Variants in GABBR2 observed in about 807,000 individuals in gnomAD.
The protein encoded by GABBR2 is G-protein coupled receptor 51.
GABBR2 carries 23 observed loss-of-function variants against 105.6 expected under a neutral mutation model. That is an observed-to-expected ratio of 0.22 (90% CI 0.16 to 0.31). The LOEUF is 0.31. GABBR2 is among the 10% of genes least tolerant of loss of function. The pLI, the probability that GABBR2 is intolerant of heterozygous loss-of-function variation, is 1.00. For synonymous variants in GABBR2, 478 were observed against 499.7 expected, an observed-to-expected ratio of 0.96 and a Z score of 0.58; for missense variants, 734 against 1,245.5, an observed-to-expected ratio of 0.59 and a Z score of 6.18.
intron 7 of GABBR2, among the ~76,000 whole-genome samples, chr9:98,437,317 C>G (rs1825943566): frequency 6.6e-6 from 1 of 152,094 alleles, no homozygotes; most frequent in Non-Finnish European, 1.5e-5. Context: ...CACCCACAAA[C>G]TCATCCACCC....
intron 13 of GABBR2, among the ~76,000 whole-genome samples, chr9:98,317,646 A>T (rs149519755): frequency 6.6e-6 from 1 of 152,190 alleles, no homozygotes; most frequent in African/African-American, 2.4e-5. Context: ...CCTACATTTC[A>T]TGACTGTATT....
chr9:98,381,372 G>A (rs1040034965), intron 11 of GABBR2, among the ~76,000 whole-genome samples: 1 of 152,186 alleles, frequency 6.6e-6, no homozygotes, highest in African/African-American at 2.4e-5. Flanking sequence ...CTCCCCACTC[G>A]GTGGGAGTTT....
intron 12 of GABBR2, among the ~76,000 whole-genome samples, chr9:98,367,458 G>A (rs908285535): frequency 2.0e-5 from 3 of 152,088 alleles, no homozygotes; most frequent in African/African-American, 7.2e-5. Flanking sequence ...TGGTGGGCAT[G>A]GCTGTGGGGA....
intron 1 of GABBR2, among the ~76,000 whole-genome samples, chr9:98,605,828 G>A (rs1003217508): frequency 3.3e-5 from 5 of 152,000 alleles, no homozygotes; most frequent in Non-Finnish European, 7.4e-5. Flanking sequence ...TGCACAACGT[G>A]GTCTGTTACA....
intron 1 of GABBR2, among the ~76,000 whole-genome samples, chr9:98,701,310 T>G (rs556893302): frequency 6.6e-6 from 1 of 152,156 alleles, no homozygotes; most frequent in Non-Finnish European, 1.5e-5. Context: ...AAAAAGGAAT[T>G]TGGGGACAGA....
intron 9 of GABBR2, among the ~76,000 whole-genome samples, chr9:98,390,025 C>G (rs1430242175): frequency 1.3e-5 from 2 of 151,798 alleles, no homozygotes; most frequent in African/African-American, 4.8e-5. Flanking sequence ...AGTGAGAACT[C>G]CCCTGAACAT....
At chr9:98,394,005 C>A (rs1832241912) in intron 9 of GABBR2, among the ~76,000 whole-genome samples, 170 bp downstream of exon 9, 1 of 152,330 alleles carries the variant, frequency 6.6e-6, no homozygotes, top group South Asian at 2.1e-4. Context: ...GGTGCTGGAG[C>A]CCATACAAGT....
chr9:98,451,358 G>T (rs1403296848), intron 7 of GABBR2, among the ~76,000 whole-genome samples: 1 of 152,212 alleles, frequency 6.6e-6, no homozygotes, highest in Non-Finnish European at 1.5e-5. Context: ...ACTGGTCTGA[G>T]GAAAGCTGTT....
At chr9:98,511,615 A>G (rs2131697153) in intron 3 of GABBR2, among the ~76,000 whole-genome samples, 1 of 152,300 alleles carries the variant, frequency 6.6e-6, no homozygotes, top group South Asian at 2.1e-4. Context: ...ACCATCAGAG[A>G]ATACTATAAA....
At chr9:98,567,750 G>T (rs1016999766) in intron 2 of GABBR2, among the ~76,000 whole-genome samples, 1 of 152,130 alleles carries the variant, frequency 6.6e-6, no homozygotes, top group Admixed American at 6.6e-5. Flanking sequence ...GCTCTGAGGG[G>T]GCTGCTAATT....
At chr9:98,521,962 C>T (rs988512655) in intron 3 of GABBR2, among the ~76,000 whole-genome samples, 4 of 151,902 alleles carry the variant, frequency 2.6e-5, no homozygotes, top group Non-Finnish European at 5.9e-5. Flanking sequence ...ATTGTAATAC[C>T]CATTTTGTAT....
At chr9:98,501,268 G>A (rs1032142343) in intron 3 of GABBR2, among the ~76,000 whole-genome samples, 16 of 151,794 alleles carry the variant, frequency 1.1e-4, no homozygotes, top group Non-Finnish European at 2.1e-4. Flanking sequence ...AGCTTCAAGC[G>A]ATTCTCCTGC....
intron 13 of GABBR2, among the ~76,000 whole-genome samples, chr9:98,323,266 G>A (rs1830857877): frequency 6.6e-6 from 1 of 152,256 alleles, no homozygotes; most frequent in Non-Finnish European, 1.5e-5. Context: ...TCCTCCGCCT[G>A]CCTTGGGGCA....
At chr9:98,567,809 G>A (rs1036549448) in intron 2 of GABBR2, among the ~76,000 whole-genome samples, 4 of 152,142 alleles carry the variant, frequency 2.6e-5, no homozygotes, top group African/African-American at 4.8e-5. Context: ...AAAATGACCC[G>A]GAGCTTCGGA....
At chr9:98,703,420 TG>T (rs1189459321) in intron 1 of GABBR2, among the ~76,000 whole-genome samples, 12 of 152,176 alleles carry the variant, frequency 7.9e-5, no homozygotes, top group African/African-American at 2.9e-4. Context: ...TGCTGGGCAG[TG>T]GGGGTGCAGC....
At chr9:98,402,404 T>C (rs1476358989) in intron 8 of GABBR2, among the ~76,000 whole-genome samples, 1 of 152,108 alleles carries the variant, frequency 6.6e-6, no homozygotes, top group Non-Finnish European at 1.5e-5. Flanking sequence ...AGCCATGGCA[T>C]CAGGGAGGAG....
At chr9:98,457,121 C>T (rs932087681) in intron 6 of GABBR2, among the ~76,000 whole-genome samples, 2 of 152,186 alleles carry the variant, frequency 1.3e-5, no homozygotes, top group South Asian at 2.1e-4. Flanking sequence ...TAATTAATTG[C>T]GTTAAGCATC....
chr9:98,544,705 C>T (rs145281716), intron 2 of GABBR2, among the ~76,000 whole-genome samples: 1 of 152,138 alleles, frequency 6.6e-6, no homozygotes, highest in Non-Finnish European at 1.5e-5. Context: ...TGTGAACCCC[C>T]TGAAAACTGT....
intron 3 of GABBR2, among the ~76,000 whole-genome samples, chr9:98,533,196 A>G (rs1828101720): frequency 6.6e-6 from 1 of 151,942 alleles, no homozygotes. Context: ...CCTCGGGTCA[A>G]CTCCTTTAAA....
Sources: allele counts gnomAD v4.1 joint callset (sites outside exome capture counted in the v4.1 genomes callset), GRCh38; gene constraint gnomAD v4.1.1; transcripts MANE v1.5; gene names NCBI Gene and HGNC (gene_info 2026-07-23, HGNC 2026-07-21).